DACH2: variants seen among roughly 807,000 people sequenced by gnomAD.
The protein encoded by DACH2 is dachshund homolog 2.
Under a neutral mutation model 35.8 loss-of-function variants are expected in DACH2, and 17 were observed. That is an observed-to-expected ratio of 0.48 (90% confidence interval 0.33 to 0.71). DACH2 has a LOEUF of 0.71. DACH2 is among the 30% of genes least tolerant of loss of function. The pLI, the probability that DACH2 is intolerant of heterozygous loss-of-function variation, is 0.02. For missense variants in DACH2, 469 were observed against 472.7 expected (o/e 0.99, Z 0.07); for synonymous variants, 195 against 177.3 (o/e 1.10, Z -0.79).
chrX:86,630,846 C>T (rs2040192868), intron 3 of DACH2, among the ~76,000 whole-genome samples: 1 of 110,831 alleles, frequency 9.0e-6, no homozygotes, highest in Admixed American at 9.6e-5. Flanking sequence ...ACCTGAAGTG[C>T]CTGTTATGCA....
intron 1 of DACH2, among the ~76,000 whole-genome samples, chrX:86,243,051 G>T (rs1276132826): frequency 9.0e-6 from 1 of 111,601 alleles, no homozygotes; most frequent in African/African-American, 3.3e-5. Context: ...ATAGATGGGG[G>T]TCTCACTATG....
intron 4 of DACH2, among the ~76,000 whole-genome samples, chrX:86,653,628 C>T (rs2040503957): frequency 9.2e-6 from 1 of 108,887 alleles, no homozygotes; most frequent in Non-Finnish European, 1.9e-5. Context: ...ATTTCTCCTT[C>T]GCTTATGAAG....
At chrX:86,768,969 A>G (rs952103351) in intron 7 of DACH2, among the ~76,000 whole-genome samples, 1 of 111,666 alleles carries the variant, frequency 9.0e-6, no homozygotes, top group Non-Finnish European at 1.9e-5. Context: ...TTAATTTGCC[A>G]TGATAAAGTG....
intron 4 of DACH2, among the ~76,000 whole-genome samples, chrX:86,670,445 CAAAT>C (rs1327240556): frequency 7.2e-5 from 8 of 111,586 alleles, no homozygotes; most frequent in African/African-American, 1.3e-4. Flanking sequence ...ATGTCCAAAA[CAAAT>C]AAATAAATAA....
chrX:86,774,659 G>A (rs1435637929), intron 7 of DACH2, among the ~76,000 whole-genome samples: 4 of 111,934 alleles, frequency 3.6e-5, no homozygotes, highest in Non-Finnish European at 7.5e-5. Flanking sequence ...CCTTTACATA[G>A]TGCTTTCCCA....
intron 5 of DACH2, among the ~76,000 whole-genome samples, chrX:86,704,003 C>T (rs772596709): frequency 1.8e-5 from 2 of 112,099 alleles, no homozygotes; most frequent in South Asian, 7.3e-4. Context: ...CCAAAGCATT[C>T]CTAAACAAAA....
rs183606211 is a variant in DACH2, at chrX:86,422,733, C to T, written c.527+45871C>T. On this transcript the variant is annotated intron_variant, in intron 2 of 11. Coordinates refer to ENST00000373125, the MANE Select transcript of DACH2 (RefSeq NM_053281.3). ...AATAAGTTATGATTGACTCTAGTCTCCCTGTTGTGCTATCAAATACTAGGT... is the reference window on the plus strand; with the variant it reads ...AATAAGTTATGATTGACTCTAGTCTTCCTGTTGTGCTATCAAATACTAGGT... 2.5e-4 allele frequency among the ~76,000 whole-genome samples: 28 copies of T among 110,920 alleles called. No individual in the cohort carries two copies. In the East Asian group the frequency reaches 3.1e-3, roughly 12 times the overall value.
At chrX:86,460,768 A>G (rs1229575821) in intron 2 of DACH2, among the ~76,000 whole-genome samples, 1 of 111,010 alleles carries the variant, frequency 9.0e-6, no homozygotes, top group Non-Finnish European at 1.9e-5. Flanking sequence ...GGAAACTTAC[A>G]AGTGGGACTA....
At chrX:86,517,765 G>C (rs974252287) in intron 3 of DACH2, among the ~76,000 whole-genome samples, 1 of 111,402 alleles carries the variant, frequency 9.0e-6, no homozygotes, top group African/African-American at 3.3e-5. Flanking sequence ...TGGTAAATTT[G>C]TTAAAGTTTC....
intron 3 of DACH2, among the ~76,000 whole-genome samples, chrX:86,529,974 C>CAA (rs2038692012): frequency 5.1e-5 from 2 of 39,560 alleles, no homozygotes; most frequent in Non-Finnish European, 1.0e-4. Context: ...CACACACACA[C>CAA]ACGCACACAC....
intron 3 of DACH2, among the ~76,000 whole-genome samples, chrX:86,622,519 C>G (rs190561102): frequency 1.8e-5 from 2 of 111,136 alleles, no homozygotes; most frequent in Non-Finnish European, 3.8e-5. Flanking sequence ...AGACAAGAAT[C>G]AAAAGGAAGC....
chrX:86,414,893 AT>A (rs2036676993), intron 2 of DACH2, among the ~76,000 whole-genome samples: 2 of 111,689 alleles, frequency 1.8e-5, no homozygotes, highest in African/African-American at 6.5e-5. Flanking sequence ...GTACCAAAAT[AT>A]TTATTAGTCA....
At chrX:86,649,800 G>C (rs1412015927) in intron 3 of DACH2, among the ~76,000 whole-genome samples, 2 of 110,999 alleles carry the variant, frequency 1.8e-5, no homozygotes, top group African/African-American at 6.5e-5. Flanking sequence ...ATTTGATAAG[G>C]ATTCACCTTA....
chrX:86,212,324 A>G (rs940100972), intron 1 of DACH2, among the ~76,000 whole-genome samples: 1 of 111,736 alleles, frequency 8.9e-6, no homozygotes, highest in African/African-American at 3.2e-5. Context: ...AAAACTAATT[A>G]AACTATTTTA....
intron 1 of DACH2, among the ~76,000 whole-genome samples, chrX:86,273,200 C>T (rs1215698768): frequency 8.9e-6 from 1 of 111,881 alleles, no homozygotes; most frequent in African/African-American, 3.2e-5. Flanking sequence ...AAAAATAAAA[C>T]ATTATGTATT....
At chrX:86,276,612 A>C (rs1276806301) in intron 1 of DACH2, among the ~76,000 whole-genome samples, 1 of 111,634 alleles carries the variant, frequency 9.0e-6, no homozygotes, top group Non-Finnish European at 1.9e-5. Flanking sequence ...TGCCCAGACC[A>C]ATGTCCTGGA....
chrX:86,219,119 C>T (rs1321087777), intron 1 of DACH2, among the ~76,000 whole-genome samples: 4 of 111,741 alleles, frequency 3.6e-5, no homozygotes, highest in Non-Finnish European at 5.6e-5. Context: ...AAATTCAGAA[C>T]GTGAGTTGAT....
intron 1 of DACH2, among the ~76,000 whole-genome samples, chrX:86,361,777 G>T (rs747876509): frequency 4.5e-5 from 5 of 111,062 alleles, no homozygotes; most frequent in Admixed American, 2.9e-4. Flanking sequence ...CAAATATTTC[G>T]AAATGAAAAT....
At chrX:86,545,177 A>G (rs2038940513) in intron 3 of DACH2, among the ~76,000 whole-genome samples, 1 of 112,186 alleles carries the variant, frequency 8.9e-6, no homozygotes, top group Non-Finnish European at 1.9e-5. Context: ...AGGAGATTTG[A>G]TTAAGAAAAT....
Sources: allele counts gnomAD v4.1 joint callset (sites outside exome capture counted in the v4.1 genomes callset), GRCh38; gene constraint gnomAD v4.1.1; transcripts MANE v1.5; gene names NCBI Gene and HGNC (gene_info 2026-07-23, HGNC 2026-07-21).